FARP2: variants seen among roughly 807,000 people sequenced by gnomAD.
FARP2 encodes the protein FERM, ARHGEF and pleckstrin domain-containing protein 2.
In FARP2, 111 loss-of-function variants were observed where a neutral mutation model predicts 130.5. That is an observed-to-expected ratio of 0.85 (90% CI 0.73 to 1.00). The LOEUF (loss-of-function observed/expected upper bound fraction) is 1.00. FARP2 is among the 50% of genes least tolerant of loss of function. FARP2 has a pLI of 0.00. For missense variants in FARP2, 1,385 were observed against 1,346.3 expected (o/e 1.03, Z -0.45); for synonymous variants, 504 against 516.9 (o/e 0.98, Z 0.34).
rs766955262 is a variant in FARP2, at chr2:241,468,370, C to T, written c.2124C>T (p.Asp708=). The T allele has an allele frequency of 4.6e-5, 74 of 1,609,750 alleles. No homozygotes were observed. In the South Asian group the frequency reaches 7.6e-4, roughly 16 times the overall value. The change falls in exon 18 of 27, where the codon GAC becomes GAT. Residue 708 remains aspartate (D), a synonymous_variant. Transcript: ENST00000264042. ...GCCCCGGGCACCATGACTACGCTGA[C>T]TGCCATGGTGAGTGTGGGTGCGGCC... ...HYSPGHHDYA[D]CHDALKAITE...
chr2:241,474,434 G>T (rs1451605326), intron 18 of FARP2, among the ~76,000 whole-genome samples: 1 of 150,952 alleles, frequency 6.6e-6, no homozygotes, highest in Non-Finnish European at 1.5e-5. Context: ...CTGGGTGAGG[G>T]GTGTGGACCT....
chr2:241,461,015 C>G (rs544118711), intron 14 of FARP2, among the ~76,000 whole-genome samples: 4 of 152,198 alleles, frequency 2.6e-5, no homozygotes, highest in African/African-American at 7.2e-5. Flanking sequence ...GTCCTCTCAT[C>G]CACGAGGGTA....
chr2:241,422,152 A>G (rs1347957603), intron 8 of FARP2, among the ~76,000 whole-genome samples: 1 of 150,582 alleles, frequency 6.6e-6, no homozygotes, highest in African/African-American at 2.5e-5. Context: ...CAAAAAACAA[A>G]CACCTGTAAT....
At chr2:241,487,364 T>C (rs879448091) in intron 21 of FARP2, among the ~76,000 whole-genome samples, 2 of 151,834 alleles carry the variant, frequency 1.3e-5, no homozygotes, top group African/African-American at 2.4e-5. Flanking sequence ...AAGAGGAAAA[T>C]AGTATAGTCA....
Position 241,411,108 on chromosome 2 carries a change from TCTC to T in FARP2, c.487_489del (p.Leu163del). 1 of 1,611,356 alleles carries T rather than the reference TCTC, an allele frequency of 6.2e-7. No homozygotes were observed. The highest frequency in any genetic ancestry group is 8.5e-7 in the Non-Finnish European group (1 of 1,178,414). On this transcript the variant is annotated inframe_deletion, in exon 6 of 27. Transcript: ENST00000264042. ...CCTGTGCTGACACCACAGCGGCCCT[TCTC>T]ACGTCCCATCTCCTGCAGTGTGAGT... is the stretch of plus-strand genomic sequence containing the variant.
intron 24 of FARP2, among the ~76,000 whole-genome samples, chr2:241,492,146 C>T (rs2064939918): frequency 6.6e-6 from 1 of 152,168 alleles, no homozygotes; most frequent in Non-Finnish European, 1.5e-5. Flanking sequence ...ACACCCTTCC[C>T]CAAGCCTGCT....
At chr2:241,418,532 G>A (rs1214253385) in intron 8 of FARP2, among the ~76,000 whole-genome samples, 1 of 152,166 alleles carries the variant, frequency 6.6e-6, no homozygotes, top group Non-Finnish European at 1.5e-5. Context: ...TGGACTGTGA[G>A]CGCTTTAGAG....
intron 1 of FARP2, among the ~76,000 whole-genome samples, chr2:241,366,293 C>T (rs2061319673): frequency 6.6e-6 from 1 of 151,352 alleles, no homozygotes; most frequent in Non-Finnish European, 1.5e-5. Flanking sequence ...TGGCTTCATA[C>T]CATCCCCCAC....
At position 241,463,985 on chromosome 2, in the gene FARP2, G is replaced by A; in HGVS notation, c.1893+5G>A. ...AGGAACATGCGCCAGTTAAAGGTAG[G>A]CTGCATGGTGACTACTGCCTACATG... On this transcript the variant is annotated splice_donor_5th_base_variant and intron_variant, in intron 17 of 26. Transcript: ENST00000264042. The A allele has an allele frequency of 6.2e-7, 1 of 1,611,928 alleles. No homozygotes were observed. The highest frequency in any genetic ancestry group is 8.5e-7 in the Non-Finnish European group (1 of 1,178,184).
intron 22 of FARP2, 61 bp from the exon 23 acceptor site, chr2:241,490,996 CCTTG>C (rs2064878696): frequency 3.9e-5 from 50 of 1,272,352 alleles, no homozygotes; most frequent in Non-Finnish European, 5.7e-5. Flanking sequence ...GCTCGCCCTC[CCTTG>C]AGGGCTGGGG....
intron 13 of FARP2, chr2:241,441,950 G>A (rs2150417071): frequency 2.7e-6 from 1 of 365,038 alleles, no homozygotes; most frequent in African/African-American, 2.1e-5. Flanking sequence ...GAGCTTCCAG[G>A]GTCTGCTCGG....
At chr2:241,408,829 A>G (rs1313369245) in intron 5 of FARP2, among the ~76,000 whole-genome samples, 1 of 152,200 alleles carries the variant, frequency 6.6e-6, no homozygotes, top group African/African-American at 2.4e-5. Flanking sequence ...TTAGCAACAC[A>G]AAATCGTAGA....
At chr2:241,476,350 G>A (rs1172848757) in intron 19 of FARP2, among the ~76,000 whole-genome samples, 2 of 151,738 alleles carry the variant, frequency 1.3e-5, no homozygotes, top group African/African-American at 4.8e-5. Context: ...TCACAGCACT[G>A]CACTCCAGCC....
intron 8 of FARP2, among the ~76,000 whole-genome samples, chr2:241,427,238 A>AAC (rs372290870): frequency 0.096 from 14,505 of 151,848 alleles, 763 homozygotes; most frequent in Middle Eastern, 0.12. Flanking sequence ...TCTGTCTCAA[A>AAC]ACACACACAC....
intron 18 of FARP2, among the ~76,000 whole-genome samples, chr2:241,474,917 G>A (rs1261382781): frequency 6.6e-6 from 1 of 152,154 alleles, no homozygotes; most frequent in Non-Finnish European, 1.5e-5. Flanking sequence ...GGCATCATCA[G>A]AGTTGGGAGC....
intron 25 of FARP2, 99 bp downstream of exon 25, chr2:241,493,135 C>G: frequency 8.7e-7 from 1 of 1,146,528 alleles, no homozygotes; most frequent in Non-Finnish European, 1.3e-6. Context: ...TCTGCCCTCC[C>G]ATGCTTTGCC....
chr2:241,492,846 G>A (rs978481568), intron 24 of FARP2, 83 bp from the exon 25 acceptor site: 2 of 774,650 alleles, frequency 2.6e-6, no homozygotes, highest in African/African-American at 3.4e-5. Flanking sequence ...AGCATGCAGA[G>A]GCTTAGTCTT....
chr2:241,449,877 G>C (rs905095047), intron 13 of FARP2, among the ~76,000 whole-genome samples: 2 of 151,916 alleles, frequency 1.3e-5, no homozygotes, highest in South Asian at 4.2e-4. Context: ...CATGGTGGCG[G>C]GTGCCTGTAA....
chr2:241,489,283 C>G (rs2124906986), intron 21 of FARP2: 1 of 152,334 alleles, frequency 6.6e-6, no homozygotes, highest in East Asian at 1.9e-4. Flanking sequence ...TGGCTCTTGG[C>G]TTGAAAAGAT....
Sources: allele counts gnomAD v4.1 joint callset (sites outside exome capture counted in the v4.1 genomes callset), GRCh38; gene constraint gnomAD v4.1.1; transcripts MANE v1.5; gene names NCBI Gene and HGNC (gene_info 2026-07-23, HGNC 2026-07-21).